ZBTB3: variants seen among roughly 807,000 people sequenced by gnomAD.
ZBTB3 encodes zinc finger and BTB domain-containing protein 3.
ZBTB3 carries 15 observed loss-of-function variants against 30.6 expected under a neutral mutation model. That is an observed-to-expected ratio of 0.49 (90% CI 0.33 to 0.75). The LOEUF (loss-of-function observed/expected upper bound fraction) is 0.75. Ranked by LOEUF, ZBTB3 falls within the 30% of genes least tolerant of loss-of-function variation. The pLI is 0.02. For synonymous variants in ZBTB3, 258 were observed against 261.7 expected (o/e 0.99, Z 0.14); for missense variants, 599 against 652.1 (o/e 0.92, Z 0.89).
rs762191684 is a variant in ZBTB3, at chr11:62,753,619, C to G, written c.46G>C (p.Glu16Gln). The G allele has an allele frequency of 1.8e-5, 29 of 1,613,782 alleles. No homozygotes were observed. The highest frequency in any genetic ancestry group is 2.0e-5 in the Non-Finnish European group (24 of 1,179,954). Residue 16 changes from glutamate (E) to glutamine (Q), a missense_variant, in exon 2 of 2, where the codon GAG becomes CAG. Physicochemically the swap from Glu to Gln is conservative, Grantham distance 29 (BLOSUM62 2). Transcript: ENST00000394807. ...CAAAGGAAACCCTGGGACCGCTGCTCCCGGAGGCTCTGCAGCAGCTGCTGA... is the reference window on the plus strand; with the variant it reads ...CAAAGGAAACCCTGGGACCGCTGCTGCCGGAGGCTCTGCAGCAGCTGCTGA... ...HSQQLLQSLREQRSQGFLCDC... is the reference protein window; with the variant it reads ...HSQQLLQSLRQQRSQGFLCDC...
chr11:62,752,651 C>G lies in ZBTB3; in HGVS notation c.1014G>C (p.Gly338=). The change falls in exon 2 of 2, where the codon GGG becomes GGC. Residue 338 remains glycine (G), a synonymous_variant. Coordinates refer to ENST00000394807, the MANE Select transcript of ZBTB3 (RefSeq NM_001370809.1). The stretch of plus-strand genomic sequence containing the variant: ...AAGCCTCTGGCTGGGAGGGCTGTGC[C>G]CCATACACTGCTCCTCCAGATGGGA... ...RAFPSGGAVY[G]AQPSQPEAFE... The G allele has an allele frequency of 6.2e-7, 1 of 1,614,162 alleles. No individual in the cohort carries two copies.
intron 1 of ZBTB3, 97 bp from the exon 2 acceptor site, chr11:62,753,812 T>C: frequency 6.5e-7 from 1 of 1,527,916 alleles, no homozygotes; most frequent in South Asian, 1.2e-5. Flanking sequence ...TCGCTTAAGT[T>C]ACTGCCCTTC....
chr11:62,751,961 AAGGGT>A lies in ZBTB3; in HGVS notation c.*124_*128del. On this transcript the variant is annotated 3_prime_UTR_variant, in exon 2 of 2. Transcript: ENST00000394807. The stretch of plus-strand genomic sequence containing the variant: ...AAAAAATAAAAGATTAAAAAAAAAA[AAGGGT>A]AGGAACTTTCAGCCTGGGCAGAGCC... The A allele has an allele frequency of 2.3e-6, 2 of 873,304 alleles. No individual in the cohort carries two copies. The highest frequency in any genetic ancestry group is 3.3e-6 in the Non-Finnish European group (2 of 601,136). 54.1% of individuals were successfully genotyped at this position (873,304 alleles called of 1,614,324 possible). A position where few individuals can be genotyped will look rare whatever the true frequency, so the allele number is the denominator to read the frequency against.
chr11:62,754,090 A>T lies in ZBTB3; in HGVS notation c.-178T>A, dbSNP rs375728960. On this transcript the variant is annotated 5_prime_UTR_variant, in exon 1 of 2. Transcript: ENST00000394807. The stretch of plus-strand genomic sequence containing the variant: ...CCCTCACGCATTCCAGGGGCTAAGG[A>T]CTACCAGGGTGGGAACTAGCGGAGA... 6.2e-7 allele frequency: 1 copy of T among 1,609,488 alleles called. No individual in the cohort carries two copies. Among genetic ancestry groups the T allele is most frequent in the Non-Finnish European group, 8.5e-7 (1 of 1,176,020 alleles).
rs141099182 is a variant in ZBTB3, at chr11:62,751,139, G to A, written c.*951C>T. On this transcript the variant is annotated 3_prime_UTR_variant, in exon 2 of 2. Coordinates refer to ENST00000394807, the MANE Select transcript of ZBTB3 (RefSeq NM_001370809.1). ...TAGGAGGCTGGGCATGGTGGCTCAC[G>A]CCTTTAATCCCAGCACTTTTTAAGG... is the stretch of plus-strand genomic sequence containing the variant. 0.021 allele frequency: 3,229 copies of A among 152,502 alleles called. 42 individuals carry two copies. The highest frequency in any genetic ancestry group is 0.063 in the Middle Eastern group (19 of 300). The allele number at this position is 152,502 out of a possible 1,614,324, so 9.4% of individuals were successfully genotyped here.
At position 62,753,666 on chromosome 11, in the gene ZBTB3, G is replaced by A; in HGVS notation, c.-2C>T. 1 of 1,610,722 alleles carries A rather than the reference G, an allele frequency of 6.2e-7. No homozygotes were observed. Among genetic ancestry groups the A allele is most frequent in the Non-Finnish European group, 8.5e-7 (1 of 1,178,556 alleles). On this transcript the variant is annotated 5_prime_UTR_variant, in exon 2 of 2. Transcript: ENST00000394807. The stretch of plus-strand genomic sequence containing the variant: ...CTGACTGTGTTCTGGGAACTCCATA[G>A]TACCCCACGAAGGAAAGGGGGCCCA...
At position 62,752,134 on chromosome 11, in the gene ZBTB3, C is replaced by T; in HGVS notation, c.1531G>A (p.Gly511Arg). Reference sequence around the variant, plus strand: ...GCCAATACAAAATCTTTAGGTGGCCCTCCACCACTGCTGCTCTGTCTGTCT... The same window carrying T: ...GCCAATACAAAATCTTTAGGTGGCCTTCCACCACTGCTGCTCTGTCTGTCT... ...TADRQSSSGG[G>R]PPKDFVLAPK... Residue 511 changes from glycine to arginine, a missense_variant, in exon 2 of 2, where the codon GGG (glycine) becomes AGG (arginine). By Grantham distance (125) the Gly-to-Arg change is moderately radical. Transcript: ENST00000394807. The T allele has an allele frequency of 6.2e-7, 1 of 1,613,600 alleles. No individual in the cohort carries two copies. Among genetic ancestry groups the T allele is most frequent in the Non-Finnish European group, 8.5e-7 (1 of 1,179,690 alleles).
Position 62,752,420 on chromosome 11 carries a change from C to A in ZBTB3, c.1245G>T (p.Gly415=), listed in dbSNP as rs1056719205. The A allele has an allele frequency of 6.2e-7, 1 of 1,614,012 alleles. No individual in the cohort carries two copies. The highest frequency in any genetic ancestry group is 8.5e-7 in the Non-Finnish European group (1 of 1,180,050). Residue 415 remains glycine, a synonymous_variant, in exon 2 of 2, where the codon GGG becomes GGT. Coordinates refer to ENST00000394807, the MANE Select transcript of ZBTB3 (RefSeq NM_001370809.1). The part of the protein sequence containing the change: ...SEYEAAPGSF[G]VFTEDVPTCK... ...AGGTGGGAACATCCTCAGTAAAAAC[C>A]CCAAAGCTTCCTGGAGCTGCTTCGT...
rs2134843455 is a variant in ZBTB3 at position 62,752,821 on chromosome 11, G to GGGCTGACGTTGGGGCTGA, written c.826_843dup (p.Ser276_Ala281dup). ...GGAACTGGAGCTGAGACAGGGGCTG[G>GGGCTGACGTTGGGGCTGA]GGCTGACGTTGGGGCTGAGGCTGGG... is the stretch of plus-strand genomic sequence containing the variant. On this transcript the variant is annotated inframe_insertion, in exon 2 of 2. Transcript: ENST00000394807. 2 of 1,614,114 alleles carry GGGCTGACGTTGGGGCTGA rather than the reference G, an allele frequency of 1.2e-6. No individual in the cohort carries two copies. Among genetic ancestry groups the GGGCTGACGTTGGGGCTGA allele is most frequent in the Non-Finnish European group, 8.5e-7 (1 of 1,180,040 alleles).
rs1277653584 is a variant in ZBTB3, at chr11:62,754,123, T to G, written c.-211A>C. 9 of 1,534,006 alleles carry G rather than the reference T, an allele frequency of 5.9e-6. No homozygotes were observed. The East Asian group carries it at 2.0e-4, about 35-fold the overall frequency. ...GGTGGGAACTAGCGGAGAAAGCTGA[T>G]ACCTCACCCACCACCGAGCAGCCAC... On this transcript the variant is annotated 5_prime_UTR_variant, in exon 1 of 2. Transcript: ENST00000394807.
At position 62,752,496 on chromosome 11, in the gene ZBTB3, G is replaced by A. The variant is rs1313179095; in HGVS notation, c.1169C>T (p.Pro390Leu). The change falls in exon 2 of 2, where the codon CCT becomes CTT. Residue 390 changes from proline to leucine, a missense_variant. Pro to Leu is a moderately conservative substitution (Grantham distance 98, BLOSUM62 -3). Transcript: ENST00000394807. ...ATGCAGGGATGCGGGTGCAGGCAGA[G>A]GTGAGGTCACCAGTCCTCGATGATA... ...GQYHRGLVTS[P>L]LPAPASLHEP... 6.2e-7 allele frequency: 1 copy of A among 1,614,084 alleles called. No homozygotes were observed. The highest frequency in any genetic ancestry group is 2.2e-5 in the East Asian group (1 of 44,894).
Position 62,754,014 on chromosome 11 carries a change from C to T in ZBTB3, c.-102G>A, listed in dbSNP as rs1332119878. 2 of 1,613,994 alleles carry T rather than the reference C, an allele frequency of 1.2e-6. No individual in the cohort carries two copies. Among genetic ancestry groups the T allele is most frequent in the African/African-American group, 2.7e-5 (2 of 74,882 alleles). ...AGTAGAGATCTTTTTCGCTCCCAGG[C>T]CTTGCCAGGCGATGCCTCTACGCCC... On this transcript the variant is annotated 5_prime_UTR_variant, in exon 1 of 2. Transcript: ENST00000394807.
rs2084018551 is a variant in ZBTB3 at position 62,752,187 on chromosome 11, A to T, written c.1478T>A (p.Val493Glu). ...TGTTGGGGAGCCAGGGAGAGGCTGC[A>T]CCCCTAGAAGGGGTCCCACTTCTGG... ...PDPEVGPLLG[V>E]QPLPGSPTAD... The change falls in exon 2 of 2, where the codon GTG becomes GAG. Residue 493 changes from valine to glutamate, a missense_variant. Coordinates refer to ENST00000394807, the MANE Select transcript of ZBTB3 (RefSeq NM_001370809.1). 1.2e-5 allele frequency: 20 copies of T among 1,613,900 alleles called. No homozygotes were observed. Among genetic ancestry groups the T allele is most frequent in the Non-Finnish European group, 1.6e-5 (19 of 1,179,994 alleles).
chr11:62,754,022 G>C lies in ZBTB3; in HGVS notation c.-110C>G, dbSNP rs1350661456. 6.2e-7 allele frequency: 1 copy of C among 1,614,038 alleles called. No homozygotes were observed. ...TCTTTTTCGCTCCCAGGCCTTGCCA[G>C]GCGATGCCTCTACGCCCCACTTCGA... On this transcript the variant is annotated 5_prime_UTR_variant, in exon 1 of 2. Coordinates refer to ENST00000394807, the MANE Select transcript of ZBTB3 (RefSeq NM_001370809.1).
Position 62,752,597 on chromosome 11 carries a change from C to T in ZBTB3, c.1068G>A (p.Glu356=), listed in dbSNP as rs747398479. 8.1e-6 allele frequency: 13 copies of T among 1,614,106 alleles called. No homozygotes were observed. Among genetic ancestry groups the T allele is most frequent in the South Asian group, 1.1e-5 (1 of 91,092 alleles). Residue 356 remains glutamate (E), a synonymous_variant, in exon 2 of 2, where the codon GAG becomes GAA. Transcript: ENST00000394807. Reference sequence around the variant, plus strand: ...GGAAGTGGTCACTTGGCCCCACCTCCTCCAGTCCTGCTGCCCCTGGGTCTT... The same window carrying T: ...GGAAGTGGTCACTTGGCCCCACCTCTTCCAGTCCTGCTGCCCCTGGGTCTT... ...AFEDPGAAGL[E]EVGPSDHFLP... is the part of the protein sequence containing the mutation.
At position 62,752,278 on chromosome 11, in the gene ZBTB3, C is replaced by T. The variant is rs1215487844; in HGVS notation, c.1387G>A (p.Gly463Arg). Residue 463 changes from glycine to arginine, a missense_variant, in exon 2 of 2, where the codon GGG (glycine) becomes AGG (arginine). Physicochemically the swap from Gly to Arg is moderately radical, Grantham distance 125. Coordinates refer to ENST00000394807, the MANE Select transcript of ZBTB3 (RefSeq NM_001370809.1). Reference protein sequence around the residue: ...RYCLRSYTQSGDLYRHIRKAH... With the variant: ...RYCLRSYTQSRDLYRHIRKAH... Reference sequence around the variant, plus strand: ...TTGCGGATGTGGCGGTAGAGGTCCCCTGACTGCGTGTAGCTCCGCAGGCAG... The same window carrying T: ...TTGCGGATGTGGCGGTAGAGGTCCCTTGACTGCGTGTAGCTCCGCAGGCAG... 1.2e-6 allele frequency: 2 copies of T among 1,614,172 alleles called. No homozygotes were observed. The highest frequency in any genetic ancestry group is 3.3e-5 in the Admixed American group (2 of 60,020).
rs1329137676 is a variant in ZBTB3 at position 62,752,613 on chromosome 11, C to G, written c.1052G>C (p.Gly351Ala). ...PSQPEAFEDP[G>A]AAGLEEVGPS... ...CCCCACCTCCTCCAGTCCTGCTGCC[C>G]CTGGGTCTTCAAAAGCCTCTGGCTG... Residue 351 changes from glycine (G) to alanine (A), a missense_variant, in exon 2 of 2, where the codon GGG becomes GCG. By Grantham distance (60) the Gly-to-Ala change is moderately conservative. Transcript: ENST00000394807. 1 of 1,614,170 alleles carries G rather than the reference C, an allele frequency of 6.2e-7. No homozygotes were observed. The highest frequency in any genetic ancestry group is 8.5e-7 in the Non-Finnish European group (1 of 1,180,026).
At position 62,753,697 on chromosome 11, in the gene ZBTB3, G is replaced by T. The variant is rs1487968925; in HGVS notation, c.-33C>A. 2 of 1,599,864 alleles carry T rather than the reference G, an allele frequency of 1.3e-6. No homozygotes were observed. Among genetic ancestry groups the T allele is most frequent in the Admixed American group, 3.4e-5 (2 of 58,896 alleles). On this transcript the variant is annotated 5_prime_UTR_variant, in exon 2 of 2. Transcript: ENST00000394807. ...CACGAAGGAAAGGGGGCCCAAAAAA[G>T]GTCCCCACCAGTGGCTCCCTGAGAA...
rs2084033287 is a variant in ZBTB3, at chr11:62,753,236, C to T, written c.429G>A (p.Leu143=). Residue 143 remains leucine (L), a synonymous_variant, in exon 2 of 2, where the codon TTG becomes TTA. Transcript: ENST00000394807. ...CACGGGAAGTACTAGACAAAAACTC[C>T]AAACTAGGAAGCTGTGAGTTGGTTT... is the stretch of plus-strand genomic sequence containing the variant. The part of the protein sequence containing the change: ...EEETNSQLPS[L]EFLSSTSRGT... 1 of 1,614,072 alleles carries T rather than the reference C, an allele frequency of 6.2e-7. No homozygotes were observed. Among genetic ancestry groups the T allele is most frequent in the Admixed American group, 1.7e-5 (1 of 59,978 alleles).
Sources: gnomAD v4.1 joint callset for allele counts on GRCh38, gnomAD v4.1.1 for gene constraint, MANE v1.5 for transcripts, NCBI Gene and HGNC (gene_info 2026-07-23, HGNC 2026-07-21) for gene names.